NF2: variants seen among roughly 807,000 people sequenced by gnomAD.
The protein encoded by NF2 is merlin.
A neutral mutation model predicts 83.7 loss-of-function variants in NF2; 8 were observed. The ratio of observed to expected loss-of-function variants is 0.10; its 90% confidence interval spans 0.06 to 0.17. NF2 has a LOEUF of 0.17. NF2 is among the 10% of genes least tolerant of loss of function. The probability of loss-of-function intolerance (pLI) is 1.00; values close to 1 mark genes in which losing one functional copy is unlikely to be tolerated. For synonymous variants in NF2, 266 were observed against 269.6 expected (o/e 0.99, Z 0.13); for missense variants, 533 against 744.4 (o/e 0.72, Z 3.31).
At position 29,636,562 on chromosome 22, in the gene NF2, A is replaced by G. The variant is rs1212006845; in HGVS notation, c.115-189A>G. On this transcript the variant is annotated intron_variant, in intron 1 of 15. Transcript: ENST00000338641. The surrounding 1 kb of genome is among the most constrained non-coding windows in gnomAD (Gnocchi z 4.4). Reference sequence around the variant, plus strand: ...ATGCTTTGCAGTGATTAAGCCATTAAGCTCTAATTGGTATTTTCCCACTCA... The same window carrying G: ...ATGCTTTGCAGTGATTAAGCCATTAGGCTCTAATTGGTATTTTCCCACTCA... 1.3e-5 allele frequency among the ~76,000 whole-genome samples: 2 copies of G among 152,238 alleles called. No individual in the cohort carries two copies. The highest frequency in any genetic ancestry group is 2.9e-5 in the Non-Finnish European group (2 of 68,050).
chr22:29,671,838 C>T lies in NF2; in HGVS notation c.1012C>T (p.Arg338Cys), dbSNP rs761795291. The change falls in exon 11 of 16, where the codon CGC becomes TGC. Residue 338 changes from arginine to cysteine, a missense_variant. Physicochemically the swap from Arg to Cys is radical, Grantham distance 180. Coordinates refer to ENST00000338641, the MANE Select transcript of NF2 (RefSeq NM_000268.4). ...EKARKQMERQ[R>C]LAREKQMREE... ...TCACCCCTCGCAGATGGAGCGGCAG[C>T]GCCTCGCTCGAGAGAAGCAGATGAG... 9.3e-6 allele frequency: 15 copies of T among 1,613,838 alleles called. No homozygotes were observed. The highest frequency in any genetic ancestry group is 2.2e-5 in the East Asian group (1 of 44,890).
intron 5 of NF2, among the ~76,000 whole-genome samples, 191 bp downstream of exon 5, chr22:29,654,916 G>A (rs959176606): frequency 6.6e-6 from 1 of 152,150 alleles, no homozygotes; most frequent in African/African-American, 2.4e-5. Context: ...GAGTTAGTTT[G>A]GGGTCACCAG....
intron 10 of NF2, among the ~76,000 whole-genome samples, chr22:29,669,071 C>T (rs923068142): frequency 6.6e-6 from 1 of 152,212 alleles, no homozygotes; most frequent in Non-Finnish European, 1.5e-5. Context: ...GGATAAACTA[C>T]TAGATAGAGT....
chr22:29,627,634 C>G (rs2065400579), intron 1 of NF2, among the ~76,000 whole-genome samples: 1 of 152,152 alleles, frequency 6.6e-6, no homozygotes, highest in Non-Finnish European at 1.5e-5. Context: ...GACCTCCCTG[C>G]TGGGTTCCTC....
chr22:29,629,896 A>T (rs910203337), intron 1 of NF2, among the ~76,000 whole-genome samples: 1 of 152,198 alleles, frequency 6.6e-6, no homozygotes, highest in Non-Finnish European at 1.5e-5. Flanking sequence ...ACATTTCTCC[A>T]TAGGTTCTAA....
At chr22:29,626,836 A>C (rs1414068868) in intron 1 of NF2, among the ~76,000 whole-genome samples, 1 of 152,220 alleles carries the variant, frequency 6.6e-6, no homozygotes, top group Non-Finnish European at 1.5e-5. Context: ...TGCTGAATTT[A>C]CTATTGTTTC....
intron 13 of NF2, among the ~76,000 whole-genome samples, chr22:29,677,435 TAGG>T (rs2066997741): frequency 6.6e-6 from 1 of 150,908 alleles, no homozygotes; most frequent in Non-Finnish European, 1.5e-5. Context: ...GGGCAAATAG[TAGG>T]AGAAGCCGGG....
At chr22:29,652,775 G>A (rs2066185997) in intron 4 of NF2, among the ~76,000 whole-genome samples, 1 of 152,176 alleles carries the variant, frequency 6.6e-6, no homozygotes, top group African/African-American at 2.4e-5. Context: ...TAGGCAGCCT[G>A]CCTCCAGAGC....
In NF2 at chr22:29,668,263, A is replaced by G; in HGVS notation, c.886-70A>G. Reference sequence around the variant, plus strand: ...CTGCAAGAGCTCAAACTGCTATGGCACTAGTGGGCCAGTAGGCAGTGAAGT... The same window carrying G: ...CTGCAAGAGCTCAAACTGCTATGGCGCTAGTGGGCCAGTAGGCAGTGAAGT... On this transcript the variant is annotated intron_variant, in intron 9 of 15. Transcript: ENST00000338641. 2.8e-6 allele frequency: 3 copies of G among 1,088,834 alleles called. No individual in the cohort carries two copies. In the South Asian group the frequency reaches 3.9e-5, roughly 14 times the overall value. 67.4% of individuals were successfully genotyped at this position (1,088,834 alleles called of 1,614,324 possible). A position where few individuals can be genotyped will look rare whatever the true frequency, so the allele number is the denominator to read the frequency against.
At chr22:29,684,363 C>T (rs2067222829) in intron 15 of NF2, among the ~76,000 whole-genome samples, 1 of 151,246 alleles carries the variant, frequency 6.6e-6, no homozygotes, top group Non-Finnish European at 1.5e-5. Flanking sequence ...GGTGGACCCA[C>T]CTTGGTTTAC....
intron 1 of NF2, among the ~76,000 whole-genome samples, chr22:29,621,538 G>A (rs1032718246): frequency 6.6e-6 from 1 of 152,012 alleles, no homozygotes; most frequent in Admixed American, 6.6e-5. Flanking sequence ...GTGGTGGTGT[G>A]CACCTGTGGT....
chr22:29,636,671 T>G lies in NF2; in HGVS notation c.115-80T>G. 18 of 1,593,404 alleles carry G rather than the reference T, an allele frequency of 1.1e-5. No homozygotes were observed. The highest frequency in any genetic ancestry group is 1.5e-5 in the Non-Finnish European group (17 of 1,161,756). ...AGTGTCATCCCCACGTTTTGGAACC[T>G]GAGAGTGGAGAGTGCAGAGAAAAGG... is the stretch of plus-strand genomic sequence containing the variant. On this transcript the variant is annotated intron_variant, in intron 1 of 15. Coordinates refer to ENST00000338641, the MANE Select transcript of NF2 (RefSeq NM_000268.4). The surrounding 1 kb of genome is among the most constrained non-coding windows in gnomAD (Gnocchi z 4.4).
intron 4 of NF2, among the ~76,000 whole-genome samples, chr22:29,652,604 A>G (rs2066181259): frequency 1.3e-5 from 2 of 152,200 alleles, no homozygotes; most frequent in African/African-American, 4.8e-5. Flanking sequence ...CGCCCAGCCA[A>G]GCATAGTTTT....
intron 15 of NF2, chr22:29,682,910 C>A: frequency 7.6e-7 from 1 of 1,309,800 alleles, no homozygotes; most frequent in Non-Finnish European, 1.1e-6. Flanking sequence ...CAAACAAAAT[C>A]ACTCATCACG....
chr22:29,603,704 G>C lies in NF2; in HGVS notation c.-295G>C, dbSNP rs2064701762. On this transcript the variant is annotated 5_prime_UTR_variant, in exon 1 of 16. Coordinates refer to ENST00000338641, the MANE Select transcript of NF2 (RefSeq NM_000268.4). ...CCGTCTAGGGGTCCCGTCCCGAGGCGTCCCCGGCATCTCCGGCCCGAATCC... is the reference window on the plus strand; with the variant it reads ...CCGTCTAGGGGTCCCGTCCCGAGGCCTCCCCGGCATCTCCGGCCCGAATCC... The C allele has an allele frequency of 2.2e-6, 1 of 445,222 alleles. No individual in the cohort carries two copies. The highest frequency in any genetic ancestry group is 2.1e-5 in the African/African-American group (1 of 48,756). The allele number at this position is 445,222 out of a possible 1,614,324, so 27.6% of individuals were successfully genotyped here.
chr22:29,673,895 G>T (rs888687694), intron 12 of NF2, among the ~76,000 whole-genome samples: 1 of 152,216 alleles, frequency 6.6e-6, no homozygotes, highest in African/African-American at 2.4e-5. Flanking sequence ...AACAGCAGCT[G>T]CCTACCTTTA....
At chr22:29,645,628 G>A (rs146061809) in intron 4 of NF2, among the ~76,000 whole-genome samples, 1,860 of 152,186 alleles carry the variant, frequency 0.012, 23 homozygotes, top group Non-Finnish European at 0.019. Context: ...CTTTTCGCAC[G>A]CTTTCTCCCC....
intron 10 of NF2, among the ~76,000 whole-genome samples, chr22:29,671,105 C>T (rs1422052441): frequency 6.6e-6 from 1 of 152,134 alleles, no homozygotes; most frequent in Non-Finnish European, 1.5e-5. Flanking sequence ...GAGAAAGCTG[C>T]TTATTTCTGG....
At chr22:29,635,049 TA>T (rs1470028014) in intron 1 of NF2, among the ~76,000 whole-genome samples, 3 of 152,162 alleles carry the variant, frequency 2.0e-5, no homozygotes, top group African/African-American at 4.8e-5. Flanking sequence ...TGCTAAAAGA[TA>T]AAAGCCAGTA....
Sources: allele counts gnomAD v4.1 joint callset (sites outside exome capture counted in the v4.1 genomes callset), GRCh38; gene constraint gnomAD v4.1.1; non-coding constraint Gnocchi (gnomAD v3.1); transcripts MANE v1.5; gene names NCBI Gene and HGNC (gene_info 2026-07-23, HGNC 2026-07-21).